Variants in GRIA4 observed in about 807,000 individuals in gnomAD.
GRIA4 encodes the protein glutamate receptor 4.
Under a neutral mutation model 104.0 loss-of-function variants are expected in GRIA4, and 34 were observed. The observed-to-expected ratio is 0.33, with a 90% confidence interval of 0.25 to 0.44. The LOEUF is 0.44. Ranked by LOEUF, GRIA4 falls within the 20% of genes least tolerant of loss-of-function variation. GRIA4 has a pLI of 1.00. For missense variants in GRIA4, 750 were observed against 1,096.5 expected, an observed-to-expected ratio of 0.68 and a Z score of 4.46; for synonymous variants, 386 against 381.9, an observed-to-expected ratio of 1.01 and a Z score of -0.13.
Position 105,862,163 on chromosome 11 carries a change from T to C in GRIA4, c.627T>C (p.Phe209=), listed in dbSNP as rs1219396503. 1 of 1,605,834 alleles carries C rather than the reference T, an allele frequency of 6.2e-7. No individual in the cohort carries two copies. The highest frequency in any genetic ancestry group is 2.2e-5 in the East Asian group (1 of 44,780). ...TTGACAGAAGACAAGAGAAGAAGTT[T>C]GTAATAGACTGTGAGATAGAGAGAC... The part of the protein sequence containing the change: ...EELDRRQEKK[F]VIDCEIERLQ... Residue 209 remains phenylalanine, a synonymous_variant, in exon 5 of 17, where the codon TTT becomes TTC. Coordinates refer to ENST00000282499, the MANE Select transcript of GRIA4 (RefSeq NM_000829.4).
At position 105,979,911 on chromosome 11, in the gene GRIA4, T is replaced by A; in HGVS notation, c.*172T>A. On this transcript the variant is annotated 3_prime_UTR_variant, in exon 17 of 17. Coordinates refer to ENST00000282499, the MANE Select transcript of GRIA4 (RefSeq NM_000829.4). ...CAGCAGCAGCAACGTGTGCATGAGC[T>A]CAGCTCGGAAACCCAAACTCAGATT... is the stretch of plus-strand genomic sequence containing the variant. The A allele has an allele frequency of 2.0e-6, 1 of 501,680 alleles. No homozygotes were observed. The highest frequency in any genetic ancestry group is 3.6e-6 in the Non-Finnish European group (1 of 279,700). 31.1% of individuals were successfully genotyped at this position (501,680 alleles called of 1,614,324 possible). A position where few individuals can be genotyped will look rare whatever the true frequency, so the allele number is the denominator to read the frequency against.
chr11:105,828,995 C>T (rs1043851544), intron 4 of GRIA4, among the ~76,000 whole-genome samples: 2 of 151,836 alleles, frequency 1.3e-5, no homozygotes, highest in Non-Finnish European at 2.9e-5. Flanking sequence ...ATAGAGTTCC[C>T]AGTATTCCCA....
intron 3 of GRIA4, among the ~76,000 whole-genome samples, chr11:105,731,875 C>T (rs916104333): frequency 9.9e-5 from 15 of 151,414 alleles, no homozygotes; most frequent in African/African-American, 2.9e-4. Flanking sequence ...CAGGGCCTGT[C>T]GGGGGGTGGG....
chr11:105,886,951 T>A (rs1946287658), intron 5 of GRIA4, among the ~76,000 whole-genome samples: 1 of 151,982 alleles, frequency 6.6e-6, no homozygotes, highest in Non-Finnish European at 1.5e-5. Context: ...TTTTTGATTT[T>A]TTTTTTCTTT....
At chr11:105,779,730 G>C (rs1791076517) in intron 4 of GRIA4, among the ~76,000 whole-genome samples, 1 of 151,936 alleles carries the variant, frequency 6.6e-6, no homozygotes, top group Non-Finnish European at 1.5e-5. Context: ...AAAGAACAAA[G>C]CTGGAGGCAT....
chr11:105,965,907 G>A (rs1367253363), intron 14 of GRIA4: 1 of 1,327,664 alleles, frequency 7.5e-7, no homozygotes, highest in Non-Finnish European at 1.1e-6. Flanking sequence ...CATCTTAACA[G>A]CTGTGCAGTT....
intron 4 of GRIA4, among the ~76,000 whole-genome samples, chr11:105,795,752 GA>G (rs1344656308): frequency 6.6e-6 from 1 of 152,070 alleles, no homozygotes; most frequent in East Asian, 1.9e-4. Context: ...ATAGAAAAAT[GA>G]AGAAAATCAA....
At chr11:105,730,379 G>C (rs553208160) in intron 3 of GRIA4, among the ~76,000 whole-genome samples, 1 of 152,160 alleles carries the variant, frequency 6.6e-6, no homozygotes, top group African/African-American at 2.4e-5. Context: ...AAATAAGAGA[G>C]GACACAAACA....
At chr11:105,668,508 A>G (rs1048521771) in intron 3 of GRIA4, among the ~76,000 whole-genome samples, 6 of 151,580 alleles carry the variant, frequency 4.0e-5, no homozygotes, top group African/African-American at 1.2e-4. Flanking sequence ...CTTCAGGTAT[A>G]CACCCAACAG....
intron 3 of GRIA4, 113 bp downstream of exon 3, chr11:105,612,547 T>C (rs1359357683): frequency 1.2e-6 from 1 of 808,918 alleles, no homozygotes; most frequent in Non-Finnish European, 1.9e-6. Flanking sequence ...TTCCCACAGT[T>C]GCCTGGTTTC....
chr11:105,623,219 A>G (rs373727893), intron 3 of GRIA4, among the ~76,000 whole-genome samples: 78 of 151,814 alleles, frequency 5.1e-4, no homozygotes, highest in African/African-American at 1.7e-3. Context: ...TTTCCTGTGT[A>G]TAGATACCCA....
At chr11:105,611,930 C>A (rs1431556961) in intron 2 of GRIA4, among the ~76,000 whole-genome samples, 1 of 152,174 alleles carries the variant, frequency 6.6e-6, no homozygotes, top group Non-Finnish European at 1.5e-5. Context: ...ATGTAAATCT[C>A]TTTTCCGCTC....
rs550560606 is a variant in GRIA4 at position 105,972,511 on chromosome 11, G to A, written c.2409+483G>A. On this transcript the variant is annotated intron_variant, in intron 15 of 16. Coordinates refer to ENST00000282499, the MANE Select transcript of GRIA4 (RefSeq NM_000829.4). Reference sequence around the variant, plus strand: ...GCCAAGCATTCCACTTTAGTTTGAAGAACCTCCATTATATTTCTGTGCTGA... The same window carrying A: ...GCCAAGCATTCCACTTTAGTTTGAAAAACCTCCATTATATTTCTGTGCTGA... 5.3e-5 allele frequency among the ~76,000 whole-genome samples: 8 copies of A among 152,140 alleles called. No homozygotes were observed. The South Asian group carries it at 1.7e-3, about 32-fold the overall frequency.
chr11:105,917,830 G>GTGTGTC (rs1217855179), intron 10 of GRIA4, among the ~76,000 whole-genome samples: 4 of 151,360 alleles, frequency 2.6e-5, no homozygotes, highest in East Asian at 1.9e-4. Context: ...GTGTGTGTGT[G>GTGTGTC]TGTGTGTGTG....
intron 14 of GRIA4, among the ~76,000 whole-genome samples, chr11:105,943,974 T>C (rs954655398): frequency 6.6e-6 from 1 of 152,100 alleles, no homozygotes; most frequent in Non-Finnish European, 1.5e-5. Flanking sequence ...AAACAATGAA[T>C]GAAGTTAGAG....
At chr11:105,775,947 A>T in intron 4 of GRIA4, among the ~76,000 whole-genome samples, 1 of 152,126 alleles carries the variant, frequency 6.6e-6, no homozygotes, top group East Asian at 1.9e-4. Context: ...TGTTAAAAAA[A>T]ATCTGAAATT....
intron 4 of GRIA4, among the ~76,000 whole-genome samples, chr11:105,803,199 C>A (rs7358389): frequency 4.6e-5 from 7 of 151,818 alleles, no homozygotes; most frequent in African/African-American, 1.7e-4. Context: ...TTAATGGGAC[C>A]TTTTCATTTA....
chr11:105,684,795 G>A (rs1952823016), intron 3 of GRIA4, among the ~76,000 whole-genome samples: 1 of 151,502 alleles, frequency 6.6e-6, no homozygotes, highest in Admixed American at 6.6e-5. Flanking sequence ...TGACGTATCA[G>A]TATTTTTAAT....
chr11:105,849,508 G>T (rs771248424), intron 4 of GRIA4, among the ~76,000 whole-genome samples: 2 of 152,150 alleles, frequency 1.3e-5, no homozygotes, highest in Non-Finnish European at 2.9e-5. Flanking sequence ...ATAGCTAATT[G>T]AGGCATCAAT....
Sources: allele counts gnomAD v4.1 joint callset (sites outside exome capture counted in the v4.1 genomes callset), GRCh38; gene constraint gnomAD v4.1.1; transcripts MANE v1.5; gene names NCBI Gene and HGNC (gene_info 2026-07-23, HGNC 2026-07-21).